ERG28: variants seen among roughly 807,000 people sequenced by gnomAD.
ERG28 encodes ergosterol biosynthesis 28 homolog, also known as ergosterol biosynthetic protein 28 homolog.
A neutral mutation model predicts 15.7 loss-of-function variants in ERG28; 9 were observed. That is an observed-to-expected ratio of 0.57 (90% CI 0.35 to 1.00). The LOEUF is 1.00. ERG28 is among the 50% of genes least tolerant of loss of function. ERG28 has a pLI of 0.02. For missense variants in ERG28, 117 were observed against 173.3 expected (o/e 0.68, Z 1.82); for synonymous variants, 61 against 68.4 (o/e 0.89, Z 0.53).
intron 3 of ERG28, among the ~76,000 whole-genome samples, chr14:75,653,127 T>C (rs1890550957): frequency 6.6e-6 from 1 of 151,808 alleles, no homozygotes; most frequent in Non-Finnish European, 1.5e-5. Context: ...GCCTGGCCCA[T>C]TGTGGAAACA....
In ERG28 at chr14:75,651,877, G is replaced by C; in HGVS notation, c.237C>G (p.Ile79Met). ...IDIHNKTLYH[I>M]TLWTFLLALG... ...GGGCAAGGAGGAAGGTCCAGAGTGT[G>C]ATGTGATAGAGCCTATAAGGAAGCA... Residue 79 changes from isoleucine to methionine, a missense_variant, in exon 4 of 5, where the codon ATC becomes ATG. By Grantham distance (10) the Ile-to-Met change is conservative (BLOSUM62 1). Transcript: ENST00000256319. The C allele has an allele frequency of 6.2e-7, 1 of 1,609,704 alleles. No individual in the cohort carries two copies. The highest frequency in any genetic ancestry group is 8.5e-7 in the Non-Finnish European group (1 of 1,175,980).
intron 2 of ERG28, among the ~76,000 whole-genome samples, chr14:75,655,844 A>C (rs948759934): frequency 6.6e-6 from 1 of 152,210 alleles, no homozygotes; most frequent in Non-Finnish European, 1.5e-5. Flanking sequence ...CGGGGATGCC[A>C]AAACAGTGAA....
At chr14:75,655,433 G>A (rs188079182) in intron 2 of ERG28, among the ~76,000 whole-genome samples, 79 of 152,232 alleles carry the variant, frequency 5.2e-4, no homozygotes, top group African/African-American at 1.8e-3. Flanking sequence ...GCCCATATAT[G>A]GTCTTTAAGA....
Position 75,650,722 on chromosome 14 carries a change from A to T in ERG28, c.*833T>A, listed in dbSNP as rs59926194. The T allele has an allele frequency of 0.18, 27,329 of 152,242 alleles. 3,098 individuals are homozygous for T. Among genetic ancestry groups the T allele is most frequent in the African/African-American group, 0.33 (13,555 of 41,396 alleles). The allele number at this position is 152,242 out of a possible 1,614,324, so 9.4% of individuals were successfully genotyped here. On this transcript the variant is annotated 3_prime_UTR_variant, in exon 5 of 5. Transcript: ENST00000256319. Reference sequence around the variant, plus strand: ...AAGAAGATTTGACTTCAAGAATACAAGAGGAATGAGCAAATGACAGTAAGG... The same window carrying T: ...AAGAAGATTTGACTTCAAGAATACATGAGGAATGAGCAAATGACAGTAAGG...
rs3214359 is a variant in ERG28, at chr14:75,657,019, CTT to C, written c.133+349_133+350del. 3.3e-3 allele frequency among the ~76,000 whole-genome samples: 440 copies of C among 132,922 alleles called. 3 individuals are homozygous for C. The highest frequency in any genetic ancestry group is 8.4e-3 in the African/African-American group (306 of 36,560). 87.2% of individuals were successfully genotyped at this position (132,922 alleles called of 152,430 possible). On this transcript the variant is annotated intron_variant, in intron 2 of 4. Coordinates refer to ENST00000256319, the MANE Select transcript of ERG28 (RefSeq NM_007176.4). ...TATTTCCTCACTTGCCCTTATAATGCTTTTTTTTTTTTTTTTTTAAATACATG... is the reference window on the plus strand; with the variant it reads ...TATTTCCTCACTTGCCCTTATAATGCTTTTTTTTTTTTTTTTAAATACATG...
At chr14:75,652,627 A>C (rs1450008750) in intron 3 of ERG28, among the ~76,000 whole-genome samples, 1 of 152,176 alleles carries the variant, frequency 6.6e-6, no homozygotes, top group Non-Finnish European at 1.5e-5. Flanking sequence ...ACACCAATGC[A>C]ACCAACACCC....
chr14:75,651,730 G>C lies in ERG28; in HGVS notation c.343+41C>G, dbSNP rs772430083. ...ACCCTCTGTACTAGCTCTAGAGCTG[G>C]CACAGCTCCTGTAGGAGGTCTAGGG... On this transcript the variant is annotated intron_variant, in intron 4 of 4. Coordinates refer to ENST00000256319, the MANE Select transcript of ERG28 (RefSeq NM_007176.4). The C allele has an allele frequency of 4.4e-6, 7 of 1,592,478 alleles. No individual in the cohort carries two copies. In the East Asian group the frequency reaches 1.6e-4, roughly 36 times the overall value.
intron 1 of ERG28, among the ~76,000 whole-genome samples, chr14:75,659,867 GC>G (rs10716402): frequency 0.82 from 118,160 of 144,188 alleles, 48,712 homozygotes; most frequent in East Asian, 0.93. Flanking sequence ...AAACACCGCC[GC>G]CCCCCCCCGC....
intron 1 of ERG28, among the ~76,000 whole-genome samples, chr14:75,658,838 G>A (rs1023397344): frequency 6.6e-6 from 1 of 151,648 alleles, no homozygotes; most frequent in Non-Finnish European, 1.5e-5. Context: ...TTGGTGGGAG[G>A]CACTCTTCCC....
chr14:75,651,724 G>C (rs761980946), intron 4 of ERG28, 47 bp downstream of exon 4: 1 of 1,593,384 alleles, frequency 6.3e-7, no homozygotes, highest in Non-Finnish European at 8.6e-7. Flanking sequence ...ACTAGCTCTA[G>C]AGCTGGCACA....
At position 75,657,565 on chromosome 14, in the gene ERG28, T is replaced by C. The variant is rs966110120; in HGVS notation, c.-31-32A>G. ...AACAAAGGCAGAGGACATGAGACAATGAGGGCCAGTCTATGTTAACCATAA... is the reference window on the plus strand; with the variant it reads ...AACAAAGGCAGAGGACATGAGACAACGAGGGCCAGTCTATGTTAACCATAA... On this transcript the variant is annotated intron_variant, in intron 1 of 4. Transcript: ENST00000256319. The C allele has an allele frequency of 2.5e-6, 4 of 1,591,990 alleles. No homozygotes were observed. The Admixed American group carries it at 6.8e-5, about 27-fold the overall frequency.
intron 3 of ERG28, among the ~76,000 whole-genome samples, chr14:75,654,444 G>A (rs1250079493): frequency 6.6e-6 from 1 of 152,218 alleles, no homozygotes; most frequent in Non-Finnish European, 1.5e-5. Flanking sequence ...ACCTGCTGAT[G>A]CTGCATACAC....
chr14:75,651,424 TAAAA>T lies in ERG28; in HGVS notation c.*127_*130del, dbSNP rs984178879. The T allele has an allele frequency of 3.4e-6, 3 of 881,390 alleles. No individual in the cohort carries two copies. In the South Asian group the frequency reaches 5.7e-5, roughly 17 times the overall value. 54.6% of individuals were successfully genotyped at this position (881,390 alleles called of 1,614,324 possible). ...ATGCATATCTTTAAATTTTAAAAATTAAAAAAAGAGGCTAAAAGTGAATAAAAGG... is the reference window on the plus strand; with the variant it reads ...ATGCATATCTTTAAATTTTAAAAATTAAAGAGGCTAAAAGTGAATAAAAGG... On this transcript the variant is annotated 3_prime_UTR_variant, in exon 5 of 5. Transcript: ENST00000256319.
intron 3 of ERG28, among the ~76,000 whole-genome samples, chr14:75,653,385 C>T (rs3783999): frequency 0.51 from 77,470 of 151,066 alleles, 22,799 homozygotes; most frequent in Non-Finnish European, 0.66. Context: ...GGGTGGATCA[C>T]GAGGTCAGGA....
At chr14:75,654,618 G>A (rs185111606) in intron 3 of ERG28, among the ~76,000 whole-genome samples, 22 of 152,332 alleles carry the variant, frequency 1.4e-4, no homozygotes, top group Non-Finnish European at 2.5e-4. Flanking sequence ...CTTTCATAAA[G>A]AAGTGGAGGG....
chr14:75,656,983 C>A (rs1323130148), intron 2 of ERG28, among the ~76,000 whole-genome samples: 6 of 150,834 alleles, frequency 4.0e-5, no homozygotes, highest in Admixed American at 1.3e-4. Context: ...CACAGAGTCA[C>A]CAAGTAAGTC....
intron 3 of ERG28, among the ~76,000 whole-genome samples, chr14:75,654,594 A>C (rs375700012): frequency 6.6e-6 from 1 of 151,968 alleles, no homozygotes; most frequent in African/African-American, 2.4e-5. Flanking sequence ...TCTTTAGTAG[A>C]AGAAGGGCTG....
rs1349727102 is a variant in ERG28 at position 75,651,034 on chromosome 14, G to A, written c.*521C>T. ...AGCTGTGGTCTTGCTCACACACAGG[G>A]GAGCCCTTCTTAGAAGAACTGCCTG... is the stretch of plus-strand genomic sequence containing the variant. On this transcript the variant is annotated 3_prime_UTR_variant, in exon 5 of 5. Transcript: ENST00000256319. The A allele has an allele frequency of 6.5e-6, 1 of 154,846 alleles. No homozygotes were observed. The highest frequency in any genetic ancestry group is 2.4e-5 in the African/African-American group (1 of 41,430). The allele number at this position is 154,846 out of a possible 1,614,324, so 9.6% of individuals were successfully genotyped here. A position where few individuals can be genotyped will look rare whatever the true frequency, so the allele number is the denominator to read the frequency against.
chr14:75,657,976 C>T (rs1890619366), intron 1 of ERG28, among the ~76,000 whole-genome samples: 1 of 152,128 alleles, frequency 6.6e-6, no homozygotes, highest in Non-Finnish European at 1.5e-5. Context: ...TCAGGTATAC[C>T]ATGCTCCATA....
Sources: gnomAD v4.1 joint callset for allele counts (sites outside exome capture counted in the v4.1 genomes callset) on GRCh38, gnomAD v4.1.1 for gene constraint, MANE v1.5 for transcripts, NCBI Gene and HGNC (gene_info 2026-07-23, HGNC 2026-07-21) for gene names.